ANK3: variants seen among roughly 807,000 people sequenced by gnomAD.
The protein encoded by ANK3 is ankyrin-3.
In ANK3, 57 loss-of-function variants were observed where a neutral mutation model predicts 370.9. The observed-to-expected ratio is 0.15, with a 90% confidence interval of 0.12 to 0.19. The LOEUF is 0.19. ANK3 is among the 10% of genes least tolerant of loss of function. ANK3 has a pLI of 1.00. For missense variants in ANK3, 4,439 were observed against 5,302.1 expected (o/e 0.84, Z 5.06); for synonymous variants, 1,929 against 1,946.3 (o/e 0.99, Z 0.23).
chr10:60,720,517 T>C (rs1274836503), intron 1 of ANK3, among the ~76,000 whole-genome samples: 1 of 152,214 alleles, frequency 6.6e-6, no homozygotes, highest in East Asian at 1.9e-4. Context: ...TAAAAGTAAT[T>C]ATATTATAAA....
At chr10:60,065,578 C>CA (rs1346720256) in intron 38 of ANK3, among the ~76,000 whole-genome samples, 2 of 152,228 alleles carry the variant, frequency 1.3e-5, no homozygotes, top group Non-Finnish European at 2.9e-5. Context: ...GATTTATATA[C>CA]ATGAATGTTC....
At chr10:60,448,323 A>G (rs2064505848) in intron 2 of ANK3, among the ~76,000 whole-genome samples, 1 of 152,232 alleles carries the variant, frequency 6.6e-6, no homozygotes, top group Non-Finnish European at 1.5e-5. Flanking sequence ...GAAAAATAAA[A>G]TGTCATCATA....
intron 23 of ANK3, among the ~76,000 whole-genome samples, chr10:60,148,268 C>G (rs942131442): frequency 1.3e-5 from 2 of 151,914 alleles, no homozygotes; most frequent in African/African-American, 4.8e-5. Context: ...GATTCTTTTT[C>G]TACCTCTTCA....
chr10:60,240,131 T>C (rs868440169), intron 7 of ANK3, among the ~76,000 whole-genome samples: 2 of 85,510 alleles, frequency 2.3e-5, no homozygotes, highest in African/African-American at 7.5e-5. Context: ...CACATATATA[T>C]ACATATATAT....
At chr10:60,240,147 T>TATATATACATATATACACAC (rs1565915340) in intron 7 of ANK3, among the ~76,000 whole-genome samples, 1,561 of 133,894 alleles carry the variant, frequency 0.012, 47 homozygotes, top group African/African-American at 0.044. Flanking sequence ...TATATACACA[T>TATATATACATATATACACAC]ATATATACAT....
chr10:60,307,020 T>A (rs1484474716), intron 1 of ANK3, among the ~76,000 whole-genome samples: 1 of 152,166 alleles, frequency 6.6e-6, no homozygotes, highest in African/African-American at 2.4e-5. Context: ...TGAGCCACTA[T>A]GCTCTGCCCA....
chr10:60,126,743 AT>A (rs1486360878), intron 25 of ANK3, among the ~76,000 whole-genome samples: 8 of 152,180 alleles, frequency 5.3e-5, no homozygotes, highest in Non-Finnish European at 7.4e-5. Flanking sequence ...ATTCTCTTAA[AT>A]CATAGTTCCT....
intron 1 of ANK3, among the ~76,000 whole-genome samples, chr10:60,311,799 A>C (rs2046414383): frequency 6.6e-6 from 1 of 152,172 alleles, no homozygotes; most frequent in South Asian, 2.1e-4. Context: ...AGGTCACAGA[A>C]TATGTATTGC....
At chr10:60,441,831 T>A (rs2064306304) in intron 2 of ANK3, among the ~76,000 whole-genome samples, 1 of 152,170 alleles carries the variant, frequency 6.6e-6, no homozygotes, top group East Asian at 1.9e-4. Flanking sequence ...TTTAACTTTC[T>A]CTGCCATATA....
chr10:60,191,668 A>G (rs151256566), intron 16 of ANK3, among the ~76,000 whole-genome samples: 1 of 152,244 alleles, frequency 6.6e-6, no homozygotes. Flanking sequence ...AATTGTAAGG[A>G]GATATCTCAA....
chr10:60,389,635 C>G lies in ANK3; in HGVS notation c.-97G>C. On this transcript the variant is annotated 5_prime_UTR_variant, in exon 1 of 44. Transcript: ENST00000280772. ...ATCAGGCTTACAGCAGCATTCCAATCACTAGAGAGAAAGCTTTGACTAGAA... is the reference window on the plus strand; with the variant it reads ...ATCAGGCTTACAGCAGCATTCCAATGACTAGAGAGAAAGCTTTGACTAGAA... The G allele has an allele frequency of 2.0e-6, 3 of 1,537,264 alleles. No homozygotes were observed. The highest frequency in any genetic ancestry group is 2.6e-6 in the Non-Finnish European group (3 of 1,148,276).
chr10:60,052,626 T>C (rs1051883142), intron 42 of ANK3, among the ~76,000 whole-genome samples: 2 of 152,202 alleles, frequency 1.3e-5, no homozygotes, highest in African/African-American at 2.4e-5. Context: ...AAATAGTTCA[T>C]AATTTGAAGG....
At chr10:60,400,494 G>T (rs963946580) in intron 2 of ANK3, among the ~76,000 whole-genome samples, 1 of 152,012 alleles carries the variant, frequency 6.6e-6, no homozygotes, top group Non-Finnish European at 1.5e-5. Context: ...GGTAACTACT[G>T]CATTTCATGA....
intron 2 of ANK3, among the ~76,000 whole-genome samples, chr10:60,585,933 G>A (rs10761522): frequency 0.68 from 102,691 of 151,922 alleles, 35,447 homozygotes; most frequent in South Asian, 0.88. Context: ...CTAAGGCAGG[G>A]GAATTGATTG....
intron 1 of ANK3, among the ~76,000 whole-genome samples, chr10:60,381,135 A>G (rs2061493990): frequency 6.6e-6 from 1 of 152,198 alleles, no homozygotes; most frequent in African/African-American, 2.4e-5. Flanking sequence ...CTTATCTTGT[A>G]TAAGTAATAT....
intron 28 of ANK3, among the ~76,000 whole-genome samples, chr10:60,098,797 A>G (rs929106078): frequency 6.6e-6 from 1 of 152,142 alleles, no homozygotes; most frequent in Admixed American, 6.5e-5. Context: ...TGGTTTATAT[A>G]TATTTGGGTC....
chr10:60,208,281 CA>C (rs758563722), intron 9 of ANK3, 48 bp from the exon 10 acceptor site: 4 of 1,546,466 alleles, frequency 2.6e-6, no homozygotes, highest in Non-Finnish European at 2.7e-6. Context: ...CTTTTAAACA[CA>C]AATGTGCAGA....
At chr10:60,101,344 G>A (rs1221493114) in intron 28 of ANK3, among the ~76,000 whole-genome samples, 3 of 152,112 alleles carry the variant, frequency 2.0e-5, no homozygotes, top group African/African-American at 7.2e-5. Flanking sequence ...CCAGATCCAA[G>A]ATAACAGCAA....
chr10:60,690,249 C>T (rs976139859), intron 1 of ANK3, among the ~76,000 whole-genome samples: 1 of 152,112 alleles, frequency 6.6e-6, no homozygotes, highest in Non-Finnish European at 1.5e-5. Flanking sequence ...GTGGGTGCAG[C>T]CCAAGGAGGG....
Sources: gnomAD v4.1 joint callset for allele counts (sites outside exome capture counted in the v4.1 genomes callset) on GRCh38, gnomAD v4.1.1 for gene constraint, MANE v1.5 for transcripts, NCBI Gene and HGNC (gene_info 2026-07-23, HGNC 2026-07-21) for gene names.